ADAMTSL1: variants seen among roughly 807,000 people sequenced by gnomAD.
The protein encoded by ADAMTSL1 is ADAMTS like 1, also known as ADAMTS-like protein 1.
A neutral mutation model predicts 201.8 loss-of-function variants in ADAMTSL1; 126 were observed. That is an observed-to-expected ratio of 0.62 (90% CI 0.54 to 0.72). The LOEUF is 0.72. ADAMTSL1 is among the 30% of genes least tolerant of loss of function. The probability of loss-of-function intolerance (pLI) is 0.00; values close to 1 mark genes in which losing one functional copy is unlikely to be tolerated. For missense variants in ADAMTSL1, 2,679 were observed against 2,277.8 expected, an observed-to-expected ratio of 1.18 and a Z score of -3.59; for synonymous variants, 1,121 against 903.4, an observed-to-expected ratio of 1.24 and a Z score of -4.32.
chr9:18,905,281 C>T (rs1336121531), intron 26 of ADAMTSL1, among the ~76,000 whole-genome samples: 1 of 152,190 alleles, frequency 6.6e-6, no homozygotes, highest in Admixed American at 6.5e-5. Context: ...AGGGAGGACT[C>T]TGCATACCTA....
Position 18,262,864 on chromosome 9 carries a change from A to G in ADAMTSL1, c.207+98883A>G, listed in dbSNP as rs181530769. ...GTACTTTTGATCTGGTTGCACCAGG[A>G]TCCACACTGAAAGAACACATCATTT... On this transcript the variant is annotated intron_variant, in intron 2 of 29. Coordinates refer to the ADAMTSL1 transcript ENST00000680146. Among the ~76,000 whole-genome samples, 3 of 152,358 alleles carry G rather than the reference A, an allele frequency of 2.0e-5. No individual in the cohort carries two copies. The East Asian group carries it at 5.8e-4, about 29-fold the overall frequency.
intron 1 of ADAMTSL1, among the ~76,000 whole-genome samples, chr9:17,929,540 ATCC>A (rs747530970): frequency 1.3e-5 from 2 of 151,408 alleles, no homozygotes; most frequent in Admixed American, 6.6e-5. Flanking sequence ...CCTCCCTTCT[ATCC>A]TCCTCCTCTT....
At chr9:18,265,739 A>G (rs946326169) in intron 2 of ADAMTSL1, among the ~76,000 whole-genome samples, 12 of 152,234 alleles carry the variant, frequency 7.9e-5, no homozygotes, top group Admixed American at 7.9e-4. Context: ...AATCTTAAAT[A>G]GAATCATTAC....
At chr9:18,042,511 C>G (rs147396335) in intron 1 of ADAMTSL1, among the ~76,000 whole-genome samples, 99 of 152,170 alleles carry the variant, frequency 6.5e-4, no homozygotes, top group Non-Finnish European at 1.3e-3. Context: ...TTGTCAAAAT[C>G]CTCACTAATA....
chr9:18,013,767 A>C (rs957707106), intron 1 of ADAMTSL1, among the ~76,000 whole-genome samples: 1 of 152,010 alleles, frequency 6.6e-6, no homozygotes, highest in African/African-American at 2.4e-5. Flanking sequence ...GTTGGAAGGT[A>C]AGCATTTAAT....
chr9:18,306,974 C>T (rs984370860), intron 2 of ADAMTSL1, among the ~76,000 whole-genome samples: 123 of 152,166 alleles, frequency 8.1e-4, no homozygotes, highest in Admixed American at 7.2e-4. Flanking sequence ...AAGGGAAGCC[C>T]ACCAGACTAA....
chr9:18,283,607 TAAAAAAAAA>T (rs34012085), intron 2 of ADAMTSL1, among the ~76,000 whole-genome samples: 1 of 60,756 alleles, frequency 1.6e-5, no homozygotes, highest in Non-Finnish European at 2.8e-5. Flanking sequence ...AACTGTATCT[TAAAAAAAAA>T]AAAAAAAAAA....
intron 20 of ADAMTSL1, among the ~76,000 whole-genome samples, chr9:18,814,494 C>T (rs914398241): frequency 2.6e-5 from 4 of 152,050 alleles, no homozygotes; most frequent in Non-Finnish European, 5.9e-5. Context: ...ATTCAGAATA[C>T]GTAAGGAACT....
intron 3 of ADAMTSL1, among the ~76,000 whole-genome samples, chr9:18,547,223 G>A (rs146987236): frequency 7.0e-4 from 107 of 152,180 alleles, no homozygotes; most frequent in African/African-American, 2.5e-3. Context: ...CAAAAATATA[G>A]ATAGGATTTG....
In ADAMTSL1 at chr9:18,300,185, A is replaced by C. The variant is rs147054350; in HGVS notation, c.207+136204A>C. Among the ~76,000 whole-genome samples the C allele has an allele frequency of 4.2e-3, 636 of 152,316 alleles. 3 individuals carry two copies. Among genetic ancestry groups the C allele is most frequent in the Non-Finnish European group, 5.7e-3 (387 of 68,032 alleles). ...ATGTATGTTTATTGCAGCACTATTC[A>C]CTATAGCAAAGACTTGGAACCAACC... On this transcript the variant is annotated intron_variant, in intron 2 of 29. Transcript: ENST00000680146.
intron 1 of ADAMTSL1, among the ~76,000 whole-genome samples, chr9:18,125,890 G>C (rs1825710058): frequency 6.6e-6 from 1 of 152,308 alleles, no homozygotes; most frequent in African/African-American, 2.4e-5. Flanking sequence ...TGCTGAGAAA[G>C]GGCAGGGGCT....
chr9:18,766,555 C>A (rs1820376655), intron 16 of ADAMTSL1, among the ~76,000 whole-genome samples: 1 of 152,148 alleles, frequency 6.6e-6, no homozygotes, highest in Admixed American at 6.5e-5. Flanking sequence ...AAACAAAATA[C>A]CGTAGACTGA....
intron 2 of ADAMTSL1, among the ~76,000 whole-genome samples, chr9:18,209,714 A>G (rs189202029): frequency 5.0e-4 from 76 of 152,226 alleles, no homozygotes; most frequent in Middle Eastern, 3.4e-3. Flanking sequence ...CACACCTCCA[A>G]CTAATTTTTG....
intron 16 of ADAMTSL1, among the ~76,000 whole-genome samples, chr9:18,766,854 T>A (rs1820395358): frequency 6.6e-6 from 1 of 152,170 alleles, no homozygotes; most frequent in African/African-American, 2.4e-5. Flanking sequence ...AGCGTGTGAA[T>A]TTAGGGGAGT....
intron 7 of ADAMTSL1, among the ~76,000 whole-genome samples, chr9:18,648,439 G>C (rs1306933824): frequency 6.6e-6 from 1 of 152,054 alleles, no homozygotes; most frequent in Non-Finnish European, 1.5e-5. Context: ...TATGATGTTA[G>C]CTGGTAATTT....
chr9:18,732,861 T>A (rs2133491922), intron 15 of ADAMTSL1, among the ~76,000 whole-genome samples: 1 of 152,360 alleles, frequency 6.6e-6, no homozygotes, highest in African/African-American at 2.4e-5. Context: ...CTTCTATTTA[T>A]TAAGCACTTA....
chr9:18,717,867 A>G (rs928504951), intron 14 of ADAMTSL1: 4 of 785,234 alleles, frequency 5.1e-6, no homozygotes, highest in Non-Finnish European at 6.8e-6. Flanking sequence ...ACCACAGGAA[A>G]GTCCATTTAA....
chr9:18,845,317 G>C (rs1382577201), intron 23 of ADAMTSL1, among the ~76,000 whole-genome samples: 1 of 152,244 alleles, frequency 6.6e-6, no homozygotes, highest in Non-Finnish European at 1.5e-5. Flanking sequence ...CTCATGCCTT[G>C]TGATTTACCA....
At chr9:17,959,306 G>A (rs1022027253) in intron 1 of ADAMTSL1, among the ~76,000 whole-genome samples, 2 of 152,060 alleles carry the variant, frequency 1.3e-5, no homozygotes, top group Non-Finnish European at 2.9e-5. Context: ...TTTTGCATTA[G>A]AGGTCTGCTA....
Sources: allele counts gnomAD v4.1 joint callset (sites outside exome capture counted in the v4.1 genomes callset), GRCh38; gene constraint gnomAD v4.1.1; transcripts MANE v1.5; gene names NCBI Gene and HGNC (gene_info 2026-07-23, HGNC 2026-07-21).